UMAD1: variants seen among roughly 807,000 people sequenced by gnomAD.
The protein encoded by UMAD1 is UBAP1-MVB12-associated (UMA) domain containing 1.
Under a neutral mutation model 6.1 loss-of-function variants are expected in UMAD1, and 8 were observed. The observed-to-expected ratio is 1.30, with a 90% CI of 0.76 to 2.35. UMAD1 has a LOEUF of 2.35. Ranked by LOEUF, UMAD1 falls within the 30% of genes most tolerant of loss-of-function variation. The pLI is 0.00. For synonymous variants in UMAD1, 56 were observed against 31.4 expected (o/e 1.78, Z -2.61); for missense variants, 130 against 78.4 (o/e 1.66, Z -2.49).
At chr7:7,664,470 C>T (rs1299833548) in intron 1 of UMAD1, among the ~76,000 whole-genome samples, 1 of 152,200 alleles carries the variant, frequency 6.6e-6, no homozygotes, top group Non-Finnish European at 1.5e-5. Flanking sequence ...TTTCCTGACG[C>T]TTACAACTCT....
rs893384026 is a variant in UMAD1 at position 7,664,175 on chromosome 7, T to A, written c.-63-9134T>A. ...AATCAGATTGAAATGGAATTTACTA[T>A]TATTTTCTTCTCTTAAGATAAAGTC... On this transcript the variant is annotated intron_variant, in intron 1 of 3. Transcript: ENST00000682710. Among the ~76,000 whole-genome samples, 3 of 152,198 alleles carry A rather than the reference T, an allele frequency of 2.0e-5. No individual in the cohort carries two copies. The East Asian group carries it at 5.8e-4, about 29-fold the overall frequency.
chr7:7,661,299 C>G (rs867028553), intron 1 of UMAD1, among the ~76,000 whole-genome samples: 1 of 152,112 alleles, frequency 6.6e-6, no homozygotes, highest in African/African-American at 2.4e-5. Context: ...TATTACCCAT[C>G]TCTGAAGCCT....
intron 3 of UMAD1, among the ~76,000 whole-genome samples, chr7:7,812,463 A>G (rs1287370672): frequency 1.3e-5 from 2 of 152,188 alleles, no homozygotes; most frequent in Non-Finnish European, 2.9e-5. Context: ...TAAGTGCCCA[A>G]CACATCTGTT....
At chr7:7,796,445 T>C (rs1005501707) in intron 2 of UMAD1, among the ~76,000 whole-genome samples, 1 of 151,870 alleles carries the variant, frequency 6.6e-6, no homozygotes, top group Non-Finnish European at 1.5e-5. Context: ...GAGACGGAGT[T>C]TCTCCATGTT....
At chr7:7,805,855 A>G (rs907357622) in intron 3 of UMAD1, among the ~76,000 whole-genome samples, 12 of 152,112 alleles carry the variant, frequency 7.9e-5, no homozygotes, top group Non-Finnish European at 7.4e-5. Context: ...TCACTGTCAC[A>G]TAACTCTGTC....
At chr7:7,686,981 T>C (rs1325452502) in intron 2 of UMAD1, among the ~76,000 whole-genome samples, 2 of 152,126 alleles carry the variant, frequency 1.3e-5, no homozygotes, top group African/African-American at 4.8e-5. Flanking sequence ...CTAGGGTACG[T>C]TGTAAGGATA....
At chr7:7,746,999 G>A (rs1276368474) in intron 2 of UMAD1, among the ~76,000 whole-genome samples, 1 of 151,922 alleles carries the variant, frequency 6.6e-6, no homozygotes, top group Admixed American at 6.6e-5. Flanking sequence ...CTGTGTGTAT[G>A]TGTGTGAACT....
intron 2 of UMAD1, among the ~76,000 whole-genome samples, chr7:7,748,714 A>T (rs1781621576): frequency 6.6e-6 from 1 of 152,050 alleles, no homozygotes; most frequent in Admixed American, 6.5e-5. Flanking sequence ...TTCTTTGGGG[A>T]TGAGTAGTAC....
At chr7:7,795,261 A>G (rs959524836) in intron 2 of UMAD1, among the ~76,000 whole-genome samples, 2 of 152,178 alleles carry the variant, frequency 1.3e-5, no homozygotes, top group Non-Finnish European at 2.9e-5. Context: ...AACCTCTCCA[A>G]ATATTTTACA....
intron 2 of UMAD1, among the ~76,000 whole-genome samples, chr7:7,720,486 G>A (rs1781022676): frequency 6.6e-6 from 1 of 151,978 alleles, no homozygotes; most frequent in African/African-American, 2.4e-5. Flanking sequence ...CCAGACTACT[G>A]TAGTATTATG....
At chr7:7,751,645 G>A (rs1781680295) in intron 2 of UMAD1, among the ~76,000 whole-genome samples, 2 of 152,122 alleles carry the variant, frequency 1.3e-5, no homozygotes, top group African/African-American at 4.8e-5. Context: ...CTTGAGCCAA[G>A]GACCTTTGGC....
chr7:7,710,464 A>G (rs897509888), intron 2 of UMAD1, among the ~76,000 whole-genome samples: 2 of 152,238 alleles, frequency 1.3e-5, no homozygotes, highest in Non-Finnish European at 2.9e-5. Context: ...AAGCACATGA[A>G]TAAGTGTCAT....
At chr7:7,829,991 C>T (rs1394383101) in intron 3 of UMAD1, among the ~76,000 whole-genome samples, 2 of 152,204 alleles carry the variant, frequency 1.3e-5, no homozygotes, top group African/African-American at 2.4e-5. Flanking sequence ...GGATTTACTA[C>T]AGAGTCTTCC....
chr7:7,831,930 A>G (rs1783475054), intron 3 of UMAD1, among the ~76,000 whole-genome samples: 2 of 152,134 alleles, frequency 1.3e-5, no homozygotes. Flanking sequence ...GATACAATTA[A>G]CCCTTTACCC....
At chr7:7,761,183 G>A (rs761028552) in intron 2 of UMAD1, among the ~76,000 whole-genome samples, 9 of 151,934 alleles carry the variant, frequency 5.9e-5, no homozygotes, top group Non-Finnish European at 1.2e-4. Flanking sequence ...CAGACAACAC[G>A]GTAAAACCCT....
At chr7:7,676,000 C>G (rs147126730) in intron 2 of UMAD1, 22 of 395,666 alleles carry the variant, frequency 5.6e-5, no homozygotes, top group Non-Finnish European at 9.3e-5. Context: ...TACCATTACT[C>G]TCCTGAAGTT....
chr7:7,659,872 C>T (rs938833412), intron 1 of UMAD1, among the ~76,000 whole-genome samples: 19 of 152,184 alleles, frequency 1.2e-4, no homozygotes, highest in East Asian at 7.7e-4. Flanking sequence ...TTTTCTGTCT[C>T]GTTGATGTAT....
rs377555686 is a variant in UMAD1 at position 7,646,748 on chromosome 7, C to G, written c.-64+5927C>G. Among the ~76,000 whole-genome samples, 583 of 152,128 alleles carry G rather than the reference C, an allele frequency of 3.8e-3. 4 individuals carry two copies. The highest frequency in any genetic ancestry group is 0.013 in the African/African-American group (547 of 41,486). ...GGCTGTCCCATGGCCAATCTCCTCT[C>G]TGACCGTCCCCAGCCAAACTCCCCT... On this transcript the variant is annotated intron_variant, in intron 1 of 3. Transcript: ENST00000682710.
intron 1 of UMAD1, 79 bp from the exon 2 acceptor site, chr7:7,673,230 A>G: frequency 2.3e-6 from 2 of 869,880 alleles, no homozygotes; most frequent in East Asian, 2.6e-5. Flanking sequence ...TTATATCGTT[A>G]TGCTGAACTT....
Sources: gnomAD v4.1 joint callset for allele counts (sites outside exome capture counted in the v4.1 genomes callset) on GRCh38, gnomAD v4.1.1 for gene constraint, MANE v1.5 for transcripts, NCBI Gene and HGNC (gene_info 2026-07-23, HGNC 2026-07-21) for gene names.